The following DLL1 variants were observed in gnomAD, a reference collection of about 807,000 sequenced individuals.
DLL1 encodes delta like canonical Notch ligand 1, also known as delta-like protein 1.
DLL1 carries 9 observed loss-of-function variants against 75.1 expected under a neutral mutation model. The ratio of observed to expected loss-of-function variants is 0.12; its 90% CI spans 0.07 to 0.21. DLL1 has a LOEUF of 0.21. Ranked by LOEUF, DLL1 falls within the 10% of genes least tolerant of loss-of-function variation. The pLI, the probability that DLL1 is intolerant of heterozygous loss-of-function variation, is 1.00. For missense variants in DLL1, 837 were observed against 1,007.6 expected, an observed-to-expected ratio of 0.83 and a Z score of 2.29; for synonymous variants, 477 against 418.3, an observed-to-expected ratio of 1.14 and a Z score of -1.71.
Position 170,290,239 on chromosome 6 carries a change from G to A in DLL1, c.-100C>T. Reference sequence around the variant, plus strand: ...CGATGGGCCACGGGGAGCGTGGGCAGAAAAGCGCCCTTGCCTCGCCCCAGA... The same window carrying A: ...CGATGGGCCACGGGGAGCGTGGGCAAAAAAGCGCCCTTGCCTCGCCCCAGA... On this transcript the variant is annotated 5_prime_UTR_variant, in exon 1 of 11. Coordinates refer to ENST00000366756, the MANE Select transcript of DLL1 (RefSeq NM_005618.4). The surrounding 1 kb of genome is among the most constrained non-coding windows in gnomAD (Gnocchi z 4.7). 4 of 1,430,620 alleles carry A rather than the reference G, an allele frequency of 2.8e-6. No homozygotes were observed. The highest frequency in any genetic ancestry group is 5.1e-5 in the East Asian group (2 of 39,028). 88.6% of individuals were successfully genotyped at this position (1,430,620 alleles called of 1,614,324 possible).
chr6:170,288,805 G>A lies in DLL1; in HGVS notation c.352-16C>T, dbSNP rs769284399. The A allele has an allele frequency of 5.6e-6, 9 of 1,613,922 alleles. No individual in the cohort carries two copies. Among genetic ancestry groups the A allele is most frequent in the South Asian group, 5.5e-5 (5 of 91,078 alleles). ...AGAAGGTGCCCTGGGAGAGAGGGGA[G>A]AAGACGTTAGACAACCCAGAAAGGT... is the stretch of plus-strand genomic sequence containing the variant. On this transcript the variant is annotated splice_polypyrimidine_tract_variant and intron_variant, in intron 2 of 10. Coordinates refer to ENST00000366756, the MANE Select transcript of DLL1 (RefSeq NM_005618.4).
At chr6:170,289,319 C>T in intron 2 of DLL1, 193 bp downstream of exon 2, 1 of 946,988 alleles carries the variant, frequency 1.1e-6, no homozygotes, top group Non-Finnish European at 1.6e-6. Flanking sequence ...CTGCAGGCCG[C>T]GGGGCCCCGG....
In DLL1 at chr6:170,283,983, C is replaced by G. The variant is rs926235895; in HGVS notation, c.1296G>C (p.Gln432His). The change falls in exon 9 of 11, where the codon CAG becomes CAC. Residue 432 changes from glutamine (Q) to histidine (H), a missense_variant. Transcript: ENST00000366756. ...DLGDAYLCRC[Q>H]AGFSGRHCDD... ...CACAGTGCCTCCCCGAGAAGCCGGC[C>G]TGGCAGCGGCACAGGTAGGCATCAC... 1 of 1,584,906 alleles carries G rather than the reference C, an allele frequency of 6.3e-7. No individual in the cohort carries two copies. Among genetic ancestry groups the G allele is most frequent in the Non-Finnish European group, 8.5e-7 (1 of 1,170,854 alleles).
At chr6:170,286,806 C>G (rs1210553282) in intron 4 of DLL1, among the ~76,000 whole-genome samples, 1 of 148,876 alleles carries the variant, frequency 6.7e-6, no homozygotes, top group Non-Finnish European at 1.5e-5. Flanking sequence ...CGCGTGTACA[C>G]ACACACACAC....
intron 3 of DLL1, 63 bp from the exon 4 acceptor site, chr6:170,288,559 G>GGGGT (rs1417922297): frequency 6.2e-7 from 1 of 1,613,816 alleles, no homozygotes; most frequent in African/African-American, 1.3e-5. Flanking sequence ...GGACAGAGCG[G>GGGGT]GGGTGGGCCG....
At position 170,289,658 on chromosome 6, in the gene DLL1, C is replaced by T. The variant is rs1431782940; in HGVS notation, c.205G>A (p.Ala69Thr). Residue 69 changes from alanine (A) to threonine (T), a missense_variant, in exon 2 of 11, where the codon GCC becomes ACC. By Grantham distance (58) the Ala-to-Thr change is moderately conservative. This residue lies in a region of DLL1 where 304 missense variants were observed against 461.9 expected (regional missense o/e 0.66). Coordinates refer to ENST00000366756, the MANE Select transcript of DLL1 (RefSeq NM_005618.4). The part of the protein sequence containing the change: ...FFRVCLKHYQ[A>T]SVSPEPPCTY... ...CAGGGCGGCTCGGGGGACACGCTGG[C>T]CTGGTAGTGCTTGAGGCACACGCGG... 1.3e-6 allele frequency: 2 copies of T among 1,541,850 alleles called. No individual in the cohort carries two copies. Among genetic ancestry groups the T allele is most frequent in the Non-Finnish European group, 1.7e-6 (2 of 1,146,446 alleles).
chr6:170,283,705 G>T lies in DLL1; in HGVS notation c.1574C>A (p.Pro525Gln). The stretch of plus-strand genomic sequence containing the variant: ...AGTGAGGTCCACCACCGCTGGGCCC[G>T]GGGGCAGCTCGGGGAGCAGGAACTG... Reference protein sequence around the residue: ...NCQFLLPELPPGPAVVDLTEK... With the variant: ...NCQFLLPELPQGPAVVDLTEK... Residue 525 changes from proline (P) to glutamine (Q), a missense_variant, in exon 9 of 11, where the codon CCG (proline) becomes CAG (glutamine). This residue lies in a region of DLL1 where 533 missense variants were observed against 545.7 expected (regional missense o/e 0.98). Transcript: ENST00000366756. 1 of 1,553,648 alleles carries T rather than the reference G, an allele frequency of 6.4e-7. No individual in the cohort carries two copies. The highest frequency in any genetic ancestry group is 8.7e-7 in the Non-Finnish European group (1 of 1,149,584).
chr6:170,284,079 C>T (rs1002552627), intron 8 of DLL1, 50 bp from the exon 9 acceptor site: 9 of 1,534,438 alleles, frequency 5.9e-6, no homozygotes, highest in South Asian at 3.6e-5. Flanking sequence ...GGTTTGTTCA[C>T]CAAAAAGTCA....
In DLL1 at chr6:170,285,792, A is replaced by G. The variant is rs1474873846; in HGVS notation, c.732-93T>C. 5.1e-6 allele frequency: 8 copies of G among 1,558,854 alleles called. No individual in the cohort carries two copies. The African/African-American group carries it at 9.5e-5, about 18-fold the overall frequency. ...CTAGAAACCATCTTCCCGCAGCACC[A>G]GTGAGCCTCTGGTTCTCCAGATTAG... On this transcript the variant is annotated intron_variant, in intron 5 of 10. Coordinates refer to ENST00000366756, the MANE Select transcript of DLL1 (RefSeq NM_005618.4).
At chr6:170,288,904 C>G in intron 2 of DLL1, 115 bp from the exon 3 acceptor site, 1 of 1,166,064 alleles carries the variant, frequency 8.6e-7, no homozygotes, top group Non-Finnish European at 1.3e-6. Context: ...GGCTGCAGGT[C>G]TGGGGCAGCG....
Position 170,283,542 on chromosome 6 carries a change from TG to T in DLL1, c.1736del (p.Pro579GlnfsTer12). On this transcript the variant is annotated frameshift_variant, in exon 9 of 11. Transcript: ENST00000366756. LOFTEE classifies it high-confidence loss of function. ...VRLRLQKHRP[P>X]ADPCRGETET... ...CCGTCTCCCCCCGGCAGGGGTCGGC[TG>T]GGGGCCGGTGCTTCTGCAGCCTCAG... 6.2e-7 allele frequency: 1 copy of T among 1,613,744 alleles called. No homozygotes were observed.
intron 8 of DLL1, 116 bp downstream of exon 8, chr6:170,284,803 G>C: frequency 9.4e-7 from 1 of 1,065,546 alleles, no homozygotes; most frequent in Admixed American, 1.8e-5. Flanking sequence ...AATTCCTGGC[G>C]GTCTGGATAA....
chr6:170,287,953 CT>C (rs1162604729), intron 4 of DLL1, among the ~76,000 whole-genome samples: 1 of 152,184 alleles, frequency 6.6e-6, no homozygotes, highest in African/African-American at 2.4e-5. Flanking sequence ...GTAGCACTGG[CT>C]TTACTTCCTG....
Position 170,285,395 on chromosome 6 carries a change from G to A in DLL1, c.891C>T (p.Pro297=). The A allele has an allele frequency of 6.2e-7, 1 of 1,614,238 alleles. No individual in the cohort carries two copies. The highest frequency in any genetic ancestry group is 8.5e-7 in the Non-Finnish European group (1 of 1,180,038). The part of the protein sequence containing the change: ...QDLNYCTHHK[P]CKNGATCTNT... ...TGGTGCAGGTGGCTCCATTCTTGCA[G>A]GGCTTATGGTGTGTGCAGTAGTTCA... Residue 297 remains proline (P), a synonymous_variant, in exon 7 of 11, where the codon CCC becomes CCT. Transcript: ENST00000366756.
chr6:170,282,917 A>C, intron 10 of DLL1, 38 bp from the exon 11 acceptor site: 1 of 1,614,186 alleles, frequency 6.2e-7, no homozygotes, highest in Non-Finnish European at 8.5e-7. Flanking sequence ...TTAGCCTGAG[A>C]CCGATTCCCG....
intron 8 of DLL1, 37 bp from the exon 9 acceptor site, chr6:170,284,066 G>A (rs765997935): frequency 3.9e-4 from 602 of 1,538,194 alleles, no homozygotes; most frequent in Non-Finnish European, 4.9e-4. Flanking sequence ...GTGTCTCCTC[G>A]TAGGTTTGTT....
Position 170,285,630 on chromosome 6 carries a change from G to T in DLL1, c.801C>A (p.Thr267=), listed in dbSNP as rs1192074028. 1 of 1,614,096 alleles carries T rather than the reference G, an allele frequency of 6.2e-7. No individual in the cohort carries two copies. Among genetic ancestry groups the T allele is most frequent in the East Asian group, 2.2e-5 (1 of 44,880 alleles). ...AGTTGCACTGCCAGGGCTGCTGGCA[G>T]GTGCCATGGAGACAGCCTGGATAGC... ...CIRYPGCLHG[T]CQQPWQCNCQ... is the part of the protein sequence containing the mutation. The change falls in exon 6 of 11, where the codon ACC becomes ACA. Residue 267 remains threonine (T), a synonymous_variant. Coordinates refer to ENST00000366756, the MANE Select transcript of DLL1 (RefSeq NM_005618.4).
intron 10 of DLL1, 33 bp downstream of exon 10, chr6:170,282,955 G>C (rs1190792298): frequency 6.2e-7 from 1 of 1,613,870 alleles, no homozygotes; most frequent in Non-Finnish European, 8.5e-7. Flanking sequence ...CTCCCATGCC[G>C]AGGAGGAGGG....
rs1426955044 is a variant in DLL1, at chr6:170,288,387, G to C, written c.522C>G (p.Ser174=). ...AGTGTTCGTCACACACGAAGCGGTA[G>C]GAGTACTTGAGGTCCGTGCGGCCGC... is the stretch of plus-strand genomic sequence containing the variant. The part of the protein sequence containing the change: ...HSSGRTDLKY[S]YRFVCDEHYY... The change falls in exon 4 of 11, where the codon TCC becomes TCG. Residue 174 remains serine, a synonymous_variant. Transcript: ENST00000366756. 2.5e-6 allele frequency: 4 copies of C among 1,614,132 alleles called. No homozygotes were observed. Among genetic ancestry groups the C allele is most frequent in the South Asian group, 1.1e-5 (1 of 91,090 alleles).
Sources: gnomAD v4.1 joint callset for allele counts (sites outside exome capture counted in the v4.1 genomes callset) on GRCh38, gnomAD v4.1.1 for gene constraint, gnomAD v4.1.1 regional missense constraint, Gnocchi (gnomAD v3.1) non-coding constraint, MANE v1.5 for transcripts, NCBI Gene and HGNC (gene_info 2026-07-23, HGNC 2026-07-21) for gene names.